ZNF366: variants seen among roughly 807,000 people sequenced by gnomAD.
The protein encoded by ZNF366 is dendritic cell-specific transcript protein.
In ZNF366, 20 loss-of-function variants were observed where a neutral mutation model predicts 47.2. That is an observed-to-expected ratio of 0.42 (90% CI 0.30 to 0.62). ZNF366 has a LOEUF of 0.62. ZNF366 is among the 20% of genes least tolerant of loss of function. ZNF366 has a pLI of 0.16. For missense variants in ZNF366, 987 were observed against 976.3 expected (o/e 1.01, Z -0.15); for synonymous variants, 421 against 395.1 (o/e 1.07, Z -0.78).
At chr5:72,501,631 C>A (rs1744212390) in intron 1 of ZNF366, among the ~76,000 whole-genome samples, 1 of 152,178 alleles carries the variant, frequency 6.6e-6, no homozygotes, top group Non-Finnish European at 1.5e-5. Flanking sequence ...CAATTCAGCC[C>A]AAGTGGCATT....
At chr5:72,475,428 A>T (rs974956711) in intron 1 of ZNF366, among the ~76,000 whole-genome samples, 9 of 152,170 alleles carry the variant, frequency 5.9e-5, no homozygotes, top group Non-Finnish European at 1.3e-4. Context: ...AGATTTTCTA[A>T]GCTGGAAGGA....
chr5:72,446,039 T>C (rs76394411), intron 4 of ZNF366, among the ~76,000 whole-genome samples: 6,219 of 152,276 alleles, frequency 0.041, 392 homozygotes, highest in African/African-American at 0.13. Flanking sequence ...TGAATATGCT[T>C]GTCCACTCCA....
intron 1 of ZNF366, among the ~76,000 whole-genome samples, chr5:72,473,729 C>T (rs1307662127): frequency 6.6e-6 from 1 of 152,174 alleles, no homozygotes; most frequent in Non-Finnish European, 1.5e-5. Context: ...ACCCACTGAT[C>T]CCCGGGTTAA....
Position 72,461,129 on chromosome 5 carries a change from T to A in ZNF366, c.368A>T (p.Lys123Met). Residue 123 changes from lysine to methionine, a missense_variant, in exon 2 of 5, where the codon AAG (lysine) becomes ATG (methionine). Lys to Met is a moderately conservative substitution (Grantham distance 95). This residue lies in a region of ZNF366 where 591 missense variants were observed against 560.9 expected (regional missense o/e 1.05). Transcript: ENST00000318442. The stretch of plus-strand genomic sequence containing the variant: ...CAGGTCGATCATCTGAGAGTCATAC[T>A]TGGGGCGCGGGGGCTGCGGGAACAG... ...PLLFPQPPRP[K>M]YDSQMIDLCN... 6.2e-7 allele frequency: 1 copy of A among 1,613,964 alleles called. No homozygotes were observed. Among genetic ancestry groups the A allele is most frequent in the Non-Finnish European group, 8.5e-7 (1 of 1,179,990 alleles).
In ZNF366 at chr5:72,444,077, C is replaced by T. The variant is rs575517434; in HGVS notation, c.1914G>A (p.Gln638=). ...VEPYSPGLAP[Q]SQQLCTPEDL... is the part of the protein sequence containing the mutation. ...CCTCGGGTGTGCAGAGCTGCTGGCT[C>T]TGGGGGGCCAGGCCAGGGCTGTAGG... Residue 638 remains glutamine, a synonymous_variant, in exon 5 of 5, where the codon CAG becomes CAA. Transcript: ENST00000318442. The T allele has an allele frequency of 4.3e-6, 7 of 1,614,180 alleles. No individual in the cohort carries two copies. In the African/African-American group the frequency reaches 8.0e-5, roughly 18 times the overall value.
intron 2 of ZNF366, among the ~76,000 whole-genome samples, chr5:72,458,742 A>G (rs1743243473): frequency 6.6e-6 from 1 of 152,228 alleles, no homozygotes; most frequent in Non-Finnish European, 1.5e-5. Context: ...GATTAAATGA[A>G]GAGTGAAACA....
chr5:72,502,961 T>G (rs2112359643), intron 1 of ZNF366, among the ~76,000 whole-genome samples: 1 of 152,182 alleles, frequency 6.6e-6, no homozygotes, highest in South Asian at 2.1e-4. Context: ...CCATCTCTAC[T>G]AAAAATACAA....
At chr5:72,459,636 G>A (rs1263995812) in intron 2 of ZNF366, among the ~76,000 whole-genome samples, 2 of 152,170 alleles carry the variant, frequency 1.3e-5, no homozygotes, top group Admixed American at 6.5e-5. Context: ...AGGCCCTGCC[G>A]GCCTCAGCCA....
At chr5:72,453,170 T>C (rs766719951) in intron 3 of ZNF366, among the ~76,000 whole-genome samples, 11 of 152,160 alleles carry the variant, frequency 7.2e-5, no homozygotes, top group Admixed American at 2.6e-4. Context: ...AGAAGATCAG[T>C]TCATATTGAG....
At chr5:72,466,087 C>T (rs1431161503) in intron 1 of ZNF366, among the ~76,000 whole-genome samples, 2 of 152,152 alleles carry the variant, frequency 1.3e-5, no homozygotes, top group Non-Finnish European at 2.9e-5. Flanking sequence ...TAAGCTGAAG[C>T]TCTTGATCAT....
rs575439497 is a variant in ZNF366 at position 72,462,494 on chromosome 5, G to A, written c.-14-984C>T. Among the ~76,000 whole-genome samples the A allele has an allele frequency of 2.5e-4, 28 of 112,074 alleles. No individual in the cohort carries two copies. The South Asian group carries it at 6.4e-3, about 26-fold the overall frequency. The allele number at this position is 112,074 out of a possible 152,430, so 73.5% of individuals were successfully genotyped here. ...CTGAACAAGGGGCAGTGTTTTTCAC[G>A]TCTCCTTGCCAGTTTTCTTTCTTTC... On this transcript the variant is annotated intron_variant, in intron 1 of 4. Coordinates refer to ENST00000318442, the MANE Select transcript of ZNF366 (RefSeq NM_152625.3).
At position 72,507,383 on chromosome 5, in the gene ZNF366, A is replaced by G; in HGVS notation, c.-147T>C. On this transcript the variant is annotated 5_prime_UTR_variant, in exon 1 of 5. Transcript: ENST00000318442. The stretch of plus-strand genomic sequence containing the variant: ...CAGGGAACTTAAAGAACTCGCAGGG[A>G]CAGTGTTTCGAATGACTTAAGAAAG... 2.0e-6 allele frequency: 2 copies of G among 985,414 alleles called. No individual in the cohort carries two copies. The highest frequency in any genetic ancestry group is 2.4e-6 in the Non-Finnish European group (2 of 829,952). 61.0% of individuals were successfully genotyped at this position (985,414 alleles called of 1,614,324 possible).
At chr5:72,448,257 G>GGTA (rs56313821) in intron 3 of ZNF366, among the ~76,000 whole-genome samples, 1 of 151,766 alleles carries the variant, frequency 6.6e-6, no homozygotes, top group Non-Finnish European at 1.5e-5. Context: ...TATCTCAGGT[G>GGTA]TACAGGAAGT....
intron 3 of ZNF366, among the ~76,000 whole-genome samples, chr5:72,454,278 A>G (rs1743136528): frequency 6.6e-6 from 1 of 152,216 alleles, no homozygotes; most frequent in African/African-American, 2.4e-5. Flanking sequence ...GGCCCTGAAC[A>G]TCAAGCTGGG....
intron 2 of ZNF366, 68 bp downstream of exon 2, chr5:72,460,097 A>G: frequency 6.4e-7 from 1 of 1,552,950 alleles, no homozygotes. Flanking sequence ...CCTGCTCCCC[A>G]GTGCTCTGCT....
At chr5:72,446,020 A>G (rs370505134) in intron 4 of ZNF366, among the ~76,000 whole-genome samples, 14 of 152,170 alleles carry the variant, frequency 9.2e-5, no homozygotes, top group East Asian at 3.8e-4. Context: ...GCATATGTCT[A>G]TCTGTTTATG....
chr5:72,450,586 CA>C (rs2112318678), intron 3 of ZNF366, among the ~76,000 whole-genome samples: 1 of 152,302 alleles, frequency 6.6e-6, no homozygotes, highest in African/African-American at 2.4e-5. Flanking sequence ...CCTTTTCCCA[CA>C]AAACCTATTA....
intron 3 of ZNF366, among the ~76,000 whole-genome samples, chr5:72,454,906 C>T (rs1434497965): frequency 2.6e-5 from 4 of 152,206 alleles, no homozygotes; most frequent in Non-Finnish European, 5.9e-5. Flanking sequence ...CAAGGCCTCA[C>T]TTCATGGGCA....
rs758430514 is a variant in ZNF366, at chr5:72,456,456, G to A, written c.1472C>T (p.Thr491Ile). ...GTGGACGATCATGTGTGCCTTGAGG[G>A]TCTGCTTCTGCACGAAGCTCTTGTA... The part of the protein sequence containing the change: ...LCYKSFVQKQ[T>I]LKAHMIVHSD... Residue 491 changes from threonine (T) to isoleucine (I), a missense_variant, in exon 3 of 5, where the codon ACC becomes ATC. Physicochemically the swap from Thr to Ile is moderately conservative, Grantham distance 89. Around this residue, in one of 3 missense-constraint regions of ZNF366, gnomAD observed 111 missense variants for 180.5 expected, o/e 0.61. Coordinates refer to ENST00000318442, the MANE Select transcript of ZNF366 (RefSeq NM_152625.3). The A allele has an allele frequency of 1.2e-6, 2 of 1,613,688 alleles. No homozygotes were observed. The highest frequency in any genetic ancestry group is 1.7e-6 in the Non-Finnish European group (2 of 1,179,648).
Sources: gnomAD v4.1 joint callset for allele counts (sites outside exome capture counted in the v4.1 genomes callset) on GRCh38, gnomAD v4.1.1 for gene constraint, gnomAD v4.1.1 regional missense constraint, MANE v1.5 for transcripts, NCBI Gene and HGNC (gene_info 2026-07-23, HGNC 2026-07-21) for gene names.